The following MTSS1 variants were observed in gnomAD, a reference collection of about 807,000 sequenced individuals.
MTSS1 encodes MTSS I-BAR domain containing 1, also known as protein MTSS 1.
A neutral mutation model predicts 79.0 loss-of-function variants in MTSS1; 18 were observed. The observed-to-expected ratio is 0.23, with a 90% CI of 0.16 to 0.34. MTSS1 has a LOEUF of 0.34. MTSS1 is among the 10% of genes least tolerant of loss of function. MTSS1 has a pLI of 1.00. For missense variants in MTSS1, 815 were observed against 986.2 expected, an observed-to-expected ratio of 0.83 and a Z score of 2.33; for synonymous variants, 341 against 368.6, an observed-to-expected ratio of 0.93 and a Z score of 0.86.
At chr8:124,567,755 A>G (rs1014793964) in intron 7 of MTSS1, 1 of 1,525,196 alleles carries the variant, frequency 6.6e-7, no homozygotes, top group Non-Finnish European at 8.8e-7. Flanking sequence ...AGAACGATCC[A>G]TGGAAAAGTT....
chr8:124,682,407 G>A (rs181742556), intron 3 of MTSS1, among the ~76,000 whole-genome samples: 50 of 152,290 alleles, frequency 3.3e-4, no homozygotes, highest in African/African-American at 1.1e-3. Flanking sequence ...TCCCTTCAAC[G>A]CTTCCTCTTC....
chr8:124,635,728 T>C (rs760645540), intron 3 of MTSS1, among the ~76,000 whole-genome samples: 5 of 152,186 alleles, frequency 3.3e-5, no homozygotes, highest in African/African-American at 4.8e-5. Context: ...TCACTGGTTG[T>C]GTGAGTGTCC....
At chr8:124,630,697 A>G (rs1815756772) in intron 3 of MTSS1, among the ~76,000 whole-genome samples, 1 of 152,224 alleles carries the variant, frequency 6.6e-6, no homozygotes, top group Admixed American at 6.5e-5. Flanking sequence ...ACCTGCCTCC[A>G]CTGTCTCATT....
intron 3 of MTSS1, among the ~76,000 whole-genome samples, chr8:124,611,463 A>G (rs538695208): frequency 7.2e-5 from 11 of 152,178 alleles, no homozygotes; most frequent in African/African-American, 2.6e-4. Flanking sequence ...GCATCCCCCC[A>G]TTACAGTGAG....
chr8:124,627,817 C>T (rs546904261), intron 3 of MTSS1, among the ~76,000 whole-genome samples: 6 of 152,318 alleles, frequency 3.9e-5, no homozygotes, highest in East Asian at 1.9e-4. Context: ...GTGTGAACTG[C>T]GCTTTAGAAA....
At chr8:124,595,813 T>C (rs1478019089) in intron 3 of MTSS1, among the ~76,000 whole-genome samples, 1 of 152,196 alleles carries the variant, frequency 6.6e-6, no homozygotes, top group East Asian at 1.9e-4. Flanking sequence ...GGCAGGGCAC[T>C]GTGGCTGACT....
chr8:124,576,208 C>T (rs1828926916), intron 6 of MTSS1, among the ~76,000 whole-genome samples: 1 of 152,198 alleles, frequency 6.6e-6, no homozygotes, highest in African/African-American at 2.4e-5. Context: ...AGAAGCCAGT[C>T]ATTGTAAATA....
At chr8:124,664,332 T>C (rs1414648516) in intron 3 of MTSS1, among the ~76,000 whole-genome samples, 1 of 152,208 alleles carries the variant, frequency 6.6e-6, no homozygotes, top group Non-Finnish European at 1.5e-5. Context: ...GGCCCGTCTC[T>C]AGATAAATGC....
intron 6 of MTSS1, among the ~76,000 whole-genome samples, chr8:124,583,489 T>C (rs552827505): frequency 1.3e-5 from 2 of 152,214 alleles, no homozygotes; most frequent in East Asian, 1.9e-4. Context: ...ATTCTGCTAA[T>C]TGGGCAATGC....
At chr8:124,580,718 G>A (rs527311338) in intron 6 of MTSS1, 1 of 741,356 alleles carries the variant, frequency 1.3e-6, no homozygotes, top group Admixed American at 2.3e-5. Flanking sequence ...TATTAGGGCT[G>A]ATTAAACCCA....
intron 3 of MTSS1, among the ~76,000 whole-genome samples, chr8:124,668,069 C>T (rs950441457): frequency 6.6e-6 from 1 of 152,046 alleles, no homozygotes; most frequent in Admixed American, 6.6e-5. Flanking sequence ...GCCTGGGGGA[C>T]GCCACCCTGT....
intron 3 of MTSS1, among the ~76,000 whole-genome samples, chr8:124,672,475 C>A (rs1054438065): frequency 2.0e-5 from 3 of 149,398 alleles, no homozygotes; most frequent in Non-Finnish European, 3.0e-5. Context: ...GCCTGGGCAA[C>A]AGAGCAAGAC....
rs539389671 is a variant in MTSS1 at position 124,557,936 on chromosome 8, C to T, written c.1036-61G>A. 1.9e-5 allele frequency: 25 copies of T among 1,320,430 alleles called. No homozygotes were observed. In the African/African-American group the frequency reaches 2.5e-4, roughly 13 times the overall value. 81.8% of individuals were successfully genotyped at this position (1,320,430 alleles called of 1,614,324 possible). A position where few individuals can be genotyped will look rare whatever the true frequency, so the allele number is the denominator to read the frequency against. On this transcript the variant is annotated intron_variant, in intron 10 of 13. Transcript: ENST00000518547. ...AAAAATTAATATAACAGGATGAGTG[C>T]GGAGATACAAAATGGCATTGACATT...
rs1462819985 is a variant in MTSS1, at chr8:124,574,613, T to C, written c.461-6077A>G. ...AAAGCCAGTGAAATGTGATTCGTAT[T>C]ATCTGTACTGGCCCAGCCTCTTCAG... On this transcript the variant is annotated intron_variant, in intron 6 of 13. Transcript: ENST00000518547. 6.6e-5 allele frequency among the ~76,000 whole-genome samples: 10 copies of C among 152,208 alleles called. No individual in the cohort carries two copies. The East Asian group carries it at 1.9e-3, about 29-fold the overall frequency.
chr8:124,727,524 C>G lies in MTSS1; in HGVS notation c.72+360G>C. ...CGTGCCCGGAGGAATCAGGTGTCCT[C>G]CCGGGCATCCAGCCCCCGCGGGTCC... On this transcript the variant is annotated intron_variant, in intron 1 of 13. Coordinates refer to ENST00000518547, the MANE Select transcript of MTSS1 (RefSeq NM_014751.6). The surrounding 1 kb of genome is among the most constrained non-coding windows in gnomAD (Gnocchi z 4.7). The G allele has an allele frequency of 2.1e-6, 1 of 472,260 alleles. No homozygotes were observed. Among genetic ancestry groups the G allele is most frequent in the South Asian group, 1.6e-5 (1 of 64,506 alleles). 29.3% of individuals were successfully genotyped at this position (472,260 alleles called of 1,614,324 possible). A position where few individuals can be genotyped will look rare whatever the true frequency, so the allele number is the denominator to read the frequency against.
At chr8:124,659,772 C>A (rs16899935) in intron 3 of MTSS1, among the ~76,000 whole-genome samples, 5,891 of 152,294 alleles carry the variant, frequency 0.039, 269 homozygotes, top group East Asian at 0.19. Context: ...CCGCTCCGCT[C>A]CCACCTGGGT....
At chr8:124,675,375 T>A (rs758118070) in intron 3 of MTSS1, among the ~76,000 whole-genome samples, 8 of 152,222 alleles carry the variant, frequency 5.3e-5, no homozygotes, top group Non-Finnish European at 7.3e-5. Flanking sequence ...AAGGTGTGTT[T>A]GGTTCTCCCT....
chr8:124,724,344 G>A (rs962390349), intron 1 of MTSS1, among the ~76,000 whole-genome samples: 2 of 152,156 alleles, frequency 1.3e-5, no homozygotes, highest in Admixed American at 6.5e-5. Flanking sequence ...GGTGGGGGGC[G>A]GTGGGGAGGA....
At chr8:124,720,187 C>G (rs947592891) in intron 1 of MTSS1, among the ~76,000 whole-genome samples, 5 of 152,180 alleles carry the variant, frequency 3.3e-5, no homozygotes, top group African/African-American at 7.2e-5. Flanking sequence ...GGACAAACAA[C>G]AAAAGTGAGG....
Sources: gnomAD v4.1 joint callset for allele counts (sites outside exome capture counted in the v4.1 genomes callset) on GRCh38, gnomAD v4.1.1 for gene constraint, Gnocchi (gnomAD v3.1) non-coding constraint, MANE v1.5 for transcripts, NCBI Gene and HGNC (gene_info 2026-07-23, HGNC 2026-07-21) for gene names.